The following LRP1B variants were observed in gnomAD, a reference collection of about 807,000 sequenced individuals.
LRP1B encodes LDL receptor related protein 1B.
A neutral mutation model predicts 556.6 loss-of-function variants in LRP1B; 217 were observed. That is an observed-to-expected ratio of 0.39 (90% confidence interval 0.35 to 0.44). LRP1B has a LOEUF of 0.44. Among genes scored for constraint, LRP1B ranks in the 20% least tolerant of loss-of-function variants. The pLI is 1.00. For missense variants in LRP1B, 5,053 were observed against 5,620.8 expected, an observed-to-expected ratio of 0.90 and a Z score of 3.23; for synonymous variants, 2,047 against 1,865.8, an observed-to-expected ratio of 1.10 and a Z score of -2.50.
chr2:140,312,445 A>T (rs1684341705), intron 83 of LRP1B, among the ~76,000 whole-genome samples: 1 of 152,038 alleles, frequency 6.6e-6, no homozygotes, highest in African/African-American at 2.4e-5. Flanking sequence ...CAAAAATACC[A>T]AACATCATGA....
At chr2:140,877,302 T>C (rs561794860) in intron 25 of LRP1B, among the ~76,000 whole-genome samples, 2 of 152,274 alleles carry the variant, frequency 1.3e-5, no homozygotes, top group South Asian at 4.1e-4. Flanking sequence ...TTTCTCTCCC[T>C]TCTTCCCCTT....
chr2:142,123,226 G>T (rs543043244), intron 1 of LRP1B, among the ~76,000 whole-genome samples: 1 of 152,078 alleles, frequency 6.6e-6, no homozygotes, highest in South Asian at 2.1e-4. Flanking sequence ...AAAACTCATT[G>T]TTAGTTATCT....
intron 1 of LRP1B, among the ~76,000 whole-genome samples, chr2:141,898,051 A>G (rs1311313331): frequency 6.6e-6 from 1 of 152,070 alleles, no homozygotes; most frequent in African/African-American, 2.4e-5. Context: ...GAAAACCCAC[A>G]GTCTTTACAG....
intron 2 of LRP1B, among the ~76,000 whole-genome samples, chr2:141,796,515 CT>C (rs1695816749): frequency 6.7e-6 from 1 of 148,854 alleles, no homozygotes; most frequent in Admixed American, 6.7e-5. Context: ...GTATGGATTT[CT>C]TTTTTCTTTC....
At position 140,358,930 on chromosome 2, in the gene LRP1B, T is replaced by C. The variant is rs776654126; in HGVS notation, c.11148A>G (p.Pro3716=). 7 of 1,607,746 alleles carry C rather than the reference T, an allele frequency of 4.4e-6. No homozygotes were observed. Among genetic ancestry groups the C allele is most frequent in the Admixed American group, 1.7e-5 (1 of 59,742 alleles). The change falls in exon 73 of 91, where the codon CCA becomes CCG. Residue 3716 remains proline, a synonymous_variant. Coordinates refer to ENST00000389484, the MANE Select transcript of LRP1B (RefSeq NM_018557.3). ...TTCTGCATCTGTGAGGTCTCGTGGA[T>C]GGACAAAGAAATTTGACTGAAGAAA... ...APDMCVKFLC[P]STRPHRCRNN...
intron 66 of LRP1B, among the ~76,000 whole-genome samples, chr2:140,402,215 T>C (rs1684535558): frequency 6.6e-6 from 1 of 152,204 alleles, no homozygotes; most frequent in Non-Finnish European, 1.5e-5. Context: ...TGAACCCAGA[T>C]GGCAGGCCTT....
intron 2 of LRP1B, among the ~76,000 whole-genome samples, chr2:141,665,934 G>A (rs970138628): frequency 6.6e-6 from 1 of 152,020 alleles, no homozygotes; most frequent in Non-Finnish European, 1.5e-5. Context: ...ACATAGGGAG[G>A]GGAACAACAC....
At chr2:140,394,783 G>A (rs1368893275) in intron 66 of LRP1B, among the ~76,000 whole-genome samples, 1 of 152,130 alleles carries the variant, frequency 6.6e-6, no homozygotes, top group African/African-American at 2.4e-5. Context: ...GATAACCTAG[G>A]AAGGTCAATG....
intron 66 of LRP1B, among the ~76,000 whole-genome samples, chr2:140,399,498 T>G (rs929309684): frequency 8.5e-5 from 13 of 152,154 alleles, no homozygotes; most frequent in Non-Finnish European, 1.8e-4. Flanking sequence ...CCAAATATAT[T>G]AGAGAGGCCA....
intron 2 of LRP1B, among the ~76,000 whole-genome samples, chr2:141,484,078 A>C (rs1424340574): frequency 2.6e-5 from 4 of 152,078 alleles, no homozygotes; most frequent in South Asian, 2.1e-4. Flanking sequence ...GTTTTCTTCT[A>C]GGGTTTTTAT....
intron 2 of LRP1B, among the ~76,000 whole-genome samples, chr2:141,745,907 C>T (rs7597641): frequency 0.014 from 2,077 of 151,396 alleles, 38 homozygotes; most frequent in African/African-American, 0.047. Flanking sequence ...TGACGTATTC[C>T]GCAAGGACTG....
At chr2:140,355,998 C>T (rs1682193510) in intron 75 of LRP1B, among the ~76,000 whole-genome samples, 1 of 151,798 alleles carries the variant, frequency 6.6e-6, no homozygotes, top group African/African-American at 2.4e-5. Context: ...AGAAATGGGT[C>T]ATCATAAACA....
In LRP1B at chr2:140,733,033, T is replaced by C. The variant is rs910882653; in HGVS notation, c.5759-16217A>G. Among the ~76,000 whole-genome samples, 9 of 152,262 alleles carry C rather than the reference T, an allele frequency of 5.9e-5. No homozygotes were observed. The East Asian group carries it at 1.7e-3, about 29-fold the overall frequency. On this transcript the variant is annotated intron_variant, in intron 35 of 90. Coordinates refer to ENST00000389484, the MANE Select transcript of LRP1B (RefSeq NM_018557.3). ...CATGTATGTGTGTCTGTGTGTATCATTTCCTCCTGTTATATTACCTTGAGC... is the reference window on the plus strand; with the variant it reads ...CATGTATGTGTGTCTGTGTGTATCACTTCCTCCTGTTATATTACCTTGAGC...
At chr2:140,292,574 A>G (rs1412599500) in intron 84 of LRP1B, among the ~76,000 whole-genome samples, 1 of 152,018 alleles carries the variant, frequency 6.6e-6, no homozygotes, top group African/African-American at 2.4e-5. Context: ...CAGCTTAGAC[A>G]CCACTTCCTT....
At chr2:140,323,051 T>A (rs1680238020) in intron 81 of LRP1B, among the ~76,000 whole-genome samples, 1 of 152,002 alleles carries the variant, frequency 6.6e-6, no homozygotes, top group Admixed American at 6.6e-5. Context: ...TTATCTGTTG[T>A]GAGAAGTGAT....
chr2:141,706,830 CTAATAT>C (rs1034024781), intron 2 of LRP1B, among the ~76,000 whole-genome samples: 33 of 151,902 alleles, frequency 2.2e-4, no homozygotes, highest in African/African-American at 7.7e-4. Flanking sequence ...CAAATTAATA[CTAATAT>C]TTAGTTCTAA....
intron 2 of LRP1B, among the ~76,000 whole-genome samples, chr2:141,762,799 T>C (rs1694604761): frequency 6.6e-6 from 1 of 152,186 alleles, no homozygotes; most frequent in Non-Finnish European, 1.5e-5. Context: ...ATGGGACATA[T>C]ATAGAGAAAA....
intron 1 of LRP1B, among the ~76,000 whole-genome samples, chr2:142,090,993 G>C (rs977345734): frequency 1.3e-5 from 2 of 151,990 alleles, no homozygotes; most frequent in Non-Finnish European, 2.9e-5. Flanking sequence ...TGTACAGAAG[G>C]CCAAAAATTC....
intron 7 of LRP1B, among the ~76,000 whole-genome samples, chr2:141,184,024 C>T (rs1186122555): frequency 6.6e-6 from 1 of 151,952 alleles, no homozygotes; most frequent in Admixed American, 6.6e-5. Flanking sequence ...AACTGAGGGC[C>T]ACAGCTTAGG....
Sources: allele counts gnomAD v4.1 joint callset (sites outside exome capture counted in the v4.1 genomes callset), GRCh38; gene constraint gnomAD v4.1.1; transcripts MANE v1.5; gene names NCBI Gene and HGNC (gene_info 2026-07-23, HGNC 2026-07-21).